TSGA10: variants seen among roughly 807,000 people sequenced by gnomAD.
TSGA10 encodes the protein testis-specific gene 10 protein.
Under a neutral mutation model 96.6 loss-of-function variants are expected in TSGA10, and 43 were observed. The ratio of observed to expected loss-of-function variants is 0.44; its 90% CI spans 0.35 to 0.57. The LOEUF (loss-of-function observed/expected upper bound fraction) is 0.57. TSGA10 is among the 20% of genes least tolerant of loss of function. The probability of loss-of-function intolerance (pLI) is 0.01; values close to 1 mark genes in which losing one functional copy is unlikely to be tolerated. For missense variants in TSGA10, 703 were observed against 834.4 expected (o/e 0.84, Z 1.94); for synonymous variants, 229 against 269.9 (o/e 0.85, Z 1.48).
intron 16 of TSGA10, among the ~76,000 whole-genome samples, chr2:99,053,840 T>G (rs1273577727): frequency 6.6e-6 from 1 of 152,104 alleles, no homozygotes; most frequent in Non-Finnish European, 1.5e-5. Flanking sequence ...AGATGCTATA[T>G]GTTCACCGAA....
At chr2:99,028,461 T>C (rs2080843814) in intron 17 of TSGA10, among the ~76,000 whole-genome samples, 1 of 152,230 alleles carries the variant, frequency 6.6e-6, no homozygotes, top group Non-Finnish European at 1.5e-5. Flanking sequence ...GTTACTGTTG[T>C]ATGTGTGTGT....
chr2:99,126,826 T>C (rs756108793), intron 2 of TSGA10: 11 of 251,902 alleles, frequency 4.4e-5, no homozygotes, highest in Non-Finnish European at 6.5e-5. Flanking sequence ...AAGTAAAAAC[T>C]GTATACCTGA....
intron 13 of TSGA10, 26 bp from the exon 14 acceptor site, chr2:99,071,900 A>C (rs1398524062): frequency 6.4e-7 from 1 of 1,573,530 alleles, no homozygotes; most frequent in East Asian, 2.3e-5. Flanking sequence ...AAGAGTACAT[A>C]AGAAGAGACA....
chr2:99,023,425 G>A (rs921183393), intron 17 of TSGA10, among the ~76,000 whole-genome samples: 1 of 151,626 alleles, frequency 6.6e-6, no homozygotes, highest in Admixed American at 6.6e-5. Context: ...TTTTGATCAA[G>A]TCTACTTAAT....
rs1029162453 is a variant in TSGA10, at chr2:99,032,246, G to A, written c.1614+2984C>T. Among the ~76,000 whole-genome samples the A allele has an allele frequency of 2.0e-5, 3 of 152,252 alleles. No individual in the cohort carries two copies. In the East Asian group the frequency reaches 5.8e-4, roughly 29 times the overall value. On this transcript the variant is annotated intron_variant, in intron 17 of 20. Transcript: ENST00000393483. ...AGTCATAGTTTTGGTAAACCCACAAGCTAACCATAGCCAAAATGAGTAAAA... is the reference window on the plus strand; with the variant it reads ...AGTCATAGTTTTGGTAAACCCACAAACTAACCATAGCCAAAATGAGTAAAA...
chr2:99,102,582 A>C, intron 10 of TSGA10: 1 of 1,614,162 alleles, frequency 6.2e-7, no homozygotes. Flanking sequence ...AGATATGATT[A>C]TGGAACTTGC....
At chr2:99,127,352 G>A (rs1390051779) in intron 1 of TSGA10, among the ~76,000 whole-genome samples, 176 bp from the exon 2 acceptor site, 3 of 152,012 alleles carry the variant, frequency 2.0e-5, no homozygotes, top group African/African-American at 7.2e-5. Context: ...AACTTTTTCT[G>A]TGTGTTGTCC....
chr2:99,110,550 CA>C (rs1255870638), intron 5 of TSGA10, among the ~76,000 whole-genome samples: 1 of 152,098 alleles, frequency 6.6e-6, no homozygotes, highest in African/African-American at 2.4e-5. Flanking sequence ...AAACAAACTT[CA>C]TATTTTGAGA....
chr2:99,079,060 C>T (rs1415243051), intron 11 of TSGA10: 5 of 298,992 alleles, frequency 1.7e-5, no homozygotes, highest in Non-Finnish European at 3.0e-5. Context: ...TGAAGGAAAG[C>T]TCTACATCGC....
Position 98,997,933 on chromosome 2 carries a change from G to T in TSGA10, c.*264C>A, listed in dbSNP as rs1054042. On this transcript the variant is annotated 3_prime_UTR_variant, in exon 21 of 21. Transcript: ENST00000393483. ...CTTTATTTACTCCAGATAGTGAACA[G>T]AATAGTGTTCAATAGTGAAGTAAGC... 128,193 of 352,568 alleles carry T rather than the reference G, an allele frequency of 0.36. 26,451 individuals are homozygous for T. The highest frequency in any genetic ancestry group is 0.65 in the African/African-American group (31,105 of 47,560). 21.8% of individuals were successfully genotyped at this position (352,568 alleles called of 1,614,324 possible).
At chr2:99,068,282 A>C (rs1309461481) in intron 15 of TSGA10, among the ~76,000 whole-genome samples, 2 of 152,224 alleles carry the variant, frequency 1.3e-5, no homozygotes, top group Non-Finnish European at 2.9e-5. Context: ...TGTTACCTAC[A>C]TACCACTCAA....
intron 1 of TSGA10, among the ~76,000 whole-genome samples, chr2:99,146,435 C>T (rs1414362195): frequency 6.6e-6 from 1 of 152,028 alleles, no homozygotes; most frequent in Non-Finnish European, 1.5e-5. Context: ...TCTTATCTAT[C>T]TTTTTGTTTA....
intron 6 of TSGA10, 40 bp from the exon 7 acceptor site, chr2:99,109,031 T>G: frequency 7.1e-7 from 1 of 1,414,210 alleles, no homozygotes; most frequent in Non-Finnish European, 9.4e-7. Flanking sequence ...CTTTGATATA[T>G]AGTACTGATA....
intron 1 of TSGA10, among the ~76,000 whole-genome samples, chr2:99,136,031 T>C (rs552677727): frequency 8.8e-6 from 1 of 113,852 alleles, no homozygotes; most frequent in Non-Finnish European, 2.0e-5. Context: ...AGGGTCTGCA[T>C]CATAGAGTTG....
intron 4 of TSGA10, among the ~76,000 whole-genome samples, chr2:99,116,766 T>C (rs2092291588): frequency 6.6e-6 from 1 of 152,168 alleles, no homozygotes; most frequent in African/African-American, 2.4e-5. Flanking sequence ...TGATACATAA[T>C]AATGGTACAT....
At chr2:99,115,299 T>C (rs1387685412) in intron 4 of TSGA10, among the ~76,000 whole-genome samples, 1 of 152,056 alleles carries the variant, frequency 6.6e-6, no homozygotes, top group Non-Finnish European at 1.5e-5. Flanking sequence ...TGAATGTTAC[T>C]TTAAAAAAAG....
rs2078957236 is a variant in TSGA10, at chr2:99,011,094, C to G, written c.2072+7106G>C. The stretch of plus-strand genomic sequence containing the variant: ...CAAGTAGAGTCTGAGCCCAGACCCA[C>G]CTAACCCTGCCCCGACCTAAAGTGA... On this transcript the variant is annotated intron_variant, in intron 20 of 20. Coordinates refer to ENST00000393483, the MANE Select transcript of TSGA10 (RefSeq NM_025244.4). Among the ~76,000 whole-genome samples the G allele has an allele frequency of 2.0e-5, 3 of 152,320 alleles. No homozygotes were observed. In the South Asian group the frequency reaches 6.2e-4, roughly 32 times the overall value.
chr2:99,041,770 A>C (rs184230350), intron 16 of TSGA10, among the ~76,000 whole-genome samples: 1 of 152,296 alleles, frequency 6.6e-6, no homozygotes, highest in Non-Finnish European at 1.5e-5. Context: ...GCTTAGGCAA[A>C]CCCTTCATTA....
chr2:99,096,845 T>C (rs1022770299), intron 10 of TSGA10, among the ~76,000 whole-genome samples: 2 of 152,200 alleles, frequency 1.3e-5, no homozygotes, highest in African/African-American at 4.8e-5. Flanking sequence ...TTCTTAGGGA[T>C]TTGTAGATTA....
Sources: allele counts gnomAD v4.1 joint callset (sites outside exome capture counted in the v4.1 genomes callset), GRCh38; gene constraint gnomAD v4.1.1; transcripts MANE v1.5; gene names NCBI Gene and HGNC (gene_info 2026-07-23, HGNC 2026-07-21).